The following PARD3B variants were observed in gnomAD, a reference collection of about 807,000 sequenced individuals.
PARD3B encodes par-3 family cell polarity regulator beta, also known as partitioning defective 3 homolog B.
Under a neutral mutation model 130.2 loss-of-function variants are expected in PARD3B, and 103 were observed. The ratio of observed to expected loss-of-function variants is 0.79; its 90% confidence interval spans 0.67 to 0.93. The LOEUF (loss-of-function observed/expected upper bound fraction) is 0.93, where lower values mean the gene tolerates loss of function less well. Among genes scored for constraint, PARD3B ranks in the 40% least tolerant of loss-of-function variants. The pLI is 0.00. For synonymous variants in PARD3B, 583 were observed against 553.2 expected, an observed-to-expected ratio of 1.05 and a Z score of -0.76; for missense variants, 1,609 against 1,499.2, an observed-to-expected ratio of 1.07 and a Z score of -1.21.
intron 1 of PARD3B, among the ~76,000 whole-genome samples, chr2:204,566,402 A>G (rs2031672322): frequency 6.6e-6 from 1 of 152,194 alleles, no homozygotes; most frequent in African/African-American, 2.4e-5. Flanking sequence ...GCCTTCAGCA[A>G]TGTCAGTGGT....
At chr2:204,779,712 G>A (rs903362168) in intron 2 of PARD3B, among the ~76,000 whole-genome samples, 1 of 152,170 alleles carries the variant, frequency 6.6e-6, no homozygotes, top group African/African-American at 2.4e-5. Flanking sequence ...AGGGTTGTGA[G>A]GCTAGTAAGT....
chr2:205,056,522 G>C (rs1699643576), intron 4 of PARD3B, among the ~76,000 whole-genome samples: 1 of 151,790 alleles, frequency 6.6e-6, no homozygotes, highest in South Asian at 2.1e-4. Context: ...TCTGGAGGGA[G>C]TTAGTTTTGA....
chr2:205,026,180 A>G (rs1362931379), intron 3 of PARD3B, among the ~76,000 whole-genome samples: 2 of 152,144 alleles, frequency 1.3e-5, no homozygotes, highest in Non-Finnish European at 2.9e-5. Flanking sequence ...TAACTATGAC[A>G]GGGCTATTCT....
At chr2:205,137,806 G>T (rs2032614361) in intron 10 of PARD3B, among the ~76,000 whole-genome samples, 1 of 152,188 alleles carries the variant, frequency 6.6e-6, no homozygotes, top group East Asian at 1.9e-4. Flanking sequence ...CAAAAGGCTA[G>T]TTCAGTGTCC....
chr2:205,137,501 G>A (rs755672146), intron 10 of PARD3B, among the ~76,000 whole-genome samples: 20 of 152,242 alleles, frequency 1.3e-4, no homozygotes, highest in Non-Finnish European at 2.4e-4. Context: ...ATTTAAAATC[G>A]AACTAATGCC....
intron 1 of PARD3B, among the ~76,000 whole-genome samples, chr2:204,569,545 T>C (rs2121683): frequency 0.017 from 2,520 of 152,324 alleles, 76 homozygotes; most frequent in African/African-American, 0.058. Context: ...CCTGCAGTCA[T>C]GGGCTAGGCG....
At chr2:204,755,505 T>C (rs1236528155) in intron 2 of PARD3B, among the ~76,000 whole-genome samples, 3 of 152,062 alleles carry the variant, frequency 2.0e-5, no homozygotes, top group Admixed American at 2.0e-4. Flanking sequence ...GATTAATTAT[T>C]GGCAAAACCT....
At chr2:204,607,527 T>C (rs1461698689) in intron 1 of PARD3B, among the ~76,000 whole-genome samples, 1 of 152,192 alleles carries the variant, frequency 6.6e-6, no homozygotes, top group Non-Finnish European at 1.5e-5. Flanking sequence ...TGACTGGGCC[T>C]TGTAAGGACT....
chr2:204,828,600 C>A (rs1285200188), intron 2 of PARD3B, among the ~76,000 whole-genome samples: 3 of 152,182 alleles, frequency 2.0e-5, no homozygotes, highest in Non-Finnish European at 2.9e-5. Context: ...CTCTGTGCCC[C>A]TGCCTAACCA....
intron 4 of PARD3B, among the ~76,000 whole-genome samples, chr2:205,076,410 C>T (rs1701065457): frequency 6.6e-6 from 1 of 152,158 alleles, no homozygotes; most frequent in African/African-American, 2.4e-5. Flanking sequence ...GATTGAGTTC[C>T]ATATCATTTC....
At chr2:205,493,273 A>G (rs550260690) in intron 20 of PARD3B, among the ~76,000 whole-genome samples, 2 of 152,164 alleles carry the variant, frequency 1.3e-5, no homozygotes, top group South Asian at 2.1e-4. Flanking sequence ...AAGTTTAAAA[A>G]TAAAGCTGGG....
In PARD3B at chr2:205,460,417, A is replaced by G. The variant is rs2048412802; in HGVS notation, c.3044+19745A>G. 6.6e-6 allele frequency among the ~76,000 whole-genome samples: 1 copy of G among 151,878 alleles called. No homozygotes were observed. The highest frequency in any genetic ancestry group is 2.1e-4 in the South Asian group (1 of 4,800). ...AGTGATGATGATGATGATGATGATG[A>G]TGATGATGATGATGATGATAGTCAA... is the stretch of plus-strand genomic sequence containing the variant. On this transcript the variant is annotated intron_variant, in intron 20 of 22. Transcript: ENST00000406610. This position sits in a 1 kb window ranked among gnomAD's most constrained non-coding sequence, Gnocchi z 4.9.
intron 3 of PARD3B, 106 bp from the exon 4 acceptor site, chr2:205,047,475 T>G (rs748883335): frequency 6.8e-5 from 41 of 600,436 alleles, no homozygotes; most frequent in Non-Finnish European, 1.1e-4. Flanking sequence ...TAGAATGTTT[T>G]TACATAAAAG....
chr2:205,376,300 T>A (rs879738485), intron 18 of PARD3B, among the ~76,000 whole-genome samples: 1 of 151,994 alleles, frequency 6.6e-6, no homozygotes, highest in Non-Finnish European at 1.5e-5. Flanking sequence ...CACTAAGTAA[T>A]GGGTCGGAGG....
In PARD3B at chr2:205,122,999, A is replaced by G. The variant is rs1190766654; in HGVS notation, c.1165+1050A>G. Among the ~76,000 whole-genome samples the G allele has an allele frequency of 6.6e-6, 1 of 152,244 alleles. No homozygotes were observed. Among genetic ancestry groups the G allele is most frequent in the Non-Finnish European group, 1.5e-5 (1 of 68,044 alleles). On this transcript the variant is annotated intron_variant, in intron 8 of 22. Transcript: ENST00000406610. The surrounding 1 kb of genome is among the most constrained non-coding windows in gnomAD (Gnocchi z 4.3). ...ACAGATTTGGGTGTTTTGAATATAG[A>G]AAAATGAATCAGACACAGAATCACC...
At chr2:205,109,844 G>T (rs1386667292) in intron 5 of PARD3B, among the ~76,000 whole-genome samples, 2 of 151,860 alleles carry the variant, frequency 1.3e-5, no homozygotes, top group Non-Finnish European at 2.9e-5. Flanking sequence ...AGTAGAGATG[G>T]TGTTTCTCCA....
intron 18 of PARD3B, among the ~76,000 whole-genome samples, chr2:205,396,200 C>T (rs1354612675): frequency 6.6e-6 from 1 of 152,156 alleles, no homozygotes; most frequent in African/African-American, 2.4e-5. Context: ...AGGCATTTCC[C>T]AGGCAGTCAC....
chr2:205,325,896 A>G lies in PARD3B; in HGVS notation c.2630+24195A>G, dbSNP rs2042923826. 6.6e-6 allele frequency among the ~76,000 whole-genome samples: 1 copy of G among 152,218 alleles called. No homozygotes were observed. Among genetic ancestry groups the G allele is most frequent in the South Asian group, 2.1e-4 (1 of 4,832 alleles). ...TAAAAATAAATAAAACAATTGTGAG[A>G]GCAAATAAACACAAAAACATCCTAT... On this transcript the variant is annotated intron_variant, in intron 18 of 22. Coordinates refer to ENST00000406610, the MANE Select transcript of PARD3B (RefSeq NM_001302769.2). The surrounding 1 kb of genome is among the most constrained non-coding windows in gnomAD (Gnocchi z 4.1).
At chr2:204,884,945 G>A (rs544170058) in intron 2 of PARD3B, among the ~76,000 whole-genome samples, 1 of 152,282 alleles carries the variant, frequency 6.6e-6, no homozygotes, top group East Asian at 1.9e-4. Flanking sequence ...GCATACAAAT[G>A]CATGTGTCTT....
Sources: allele counts gnomAD v4.1 joint callset (sites outside exome capture counted in the v4.1 genomes callset), GRCh38; gene constraint gnomAD v4.1.1; non-coding constraint Gnocchi (gnomAD v3.1); transcripts MANE v1.5; gene names NCBI Gene and HGNC (gene_info 2026-07-23, HGNC 2026-07-21).